Variants in FBXL13 observed in about 807,000 individuals in gnomAD.
The protein encoded by FBXL13 is F-box and leucine rich repeat protein 13.
FBXL13 carries 67 observed loss-of-function variants against 83.6 expected under a neutral mutation model. The observed-to-expected ratio is 0.80, with a 90% CI of 0.66 to 0.98. The LOEUF (loss-of-function observed/expected upper bound fraction) is 0.98, where lower values mean the gene tolerates loss of function less well. Ranked by LOEUF, FBXL13 falls within the 50% of genes least tolerant of loss-of-function variation. The pLI is 0.00. For missense variants in FBXL13, 822 were observed against 866.5 expected (o/e 0.95, Z 0.64); for synonymous variants, 272 against 299.5 (o/e 0.91, Z 0.95).
intron 2 of FBXL13, among the ~76,000 whole-genome samples, chr7:103,030,647 A>G (rs1316767761): frequency 2.6e-5 from 4 of 151,638 alleles, no homozygotes; most frequent in African/African-American, 7.2e-5. Flanking sequence ...TCATAAAAAT[A>G]TGAGTATATT....
chr7:102,987,447 C>T (rs1368573709), intron 6 of FBXL13, among the ~76,000 whole-genome samples: 1 of 150,560 alleles, frequency 6.6e-6, no homozygotes, highest in Admixed American at 6.6e-5. Context: ...ATTTCATTAG[C>T]AAAACAGAAA....
intron 14 of FBXL13, among the ~76,000 whole-genome samples, chr7:102,878,900 T>A (rs548446417): frequency 6.6e-6 from 1 of 152,360 alleles, no homozygotes; most frequent in South Asian, 2.1e-4. Context: ...AAACCCAATA[T>A]GAGCCCTTTG....
At chr7:102,823,341 A>G (rs1013432437) in intron 18 of FBXL13, among the ~76,000 whole-genome samples, 3 of 152,222 alleles carry the variant, frequency 2.0e-5, no homozygotes, top group Non-Finnish European at 4.4e-5. Flanking sequence ...ACAGCCTCAT[A>G]TTACTATGAG....
intron 8 of FBXL13, among the ~76,000 whole-genome samples, chr7:102,934,928 T>C (rs975809560): frequency 2.0e-5 from 3 of 152,232 alleles, no homozygotes; most frequent in African/African-American, 7.2e-5. Context: ...ATTTGGGTTC[T>C]ACTCATTTGC....
intron 1 of FBXL13, among the ~76,000 whole-genome samples, chr7:103,063,135 T>G (rs1260941079): frequency 6.6e-6 from 1 of 152,208 alleles, no homozygotes; most frequent in African/African-American, 2.4e-5. Context: ...TGGGCAAGAA[T>G]AGTATAACGG....
intron 10 of FBXL13, among the ~76,000 whole-genome samples, chr7:102,916,464 G>A (rs1387677133): frequency 6.6e-6 from 1 of 152,130 alleles, no homozygotes; most frequent in African/African-American, 2.4e-5. Context: ...TTTCACAGTG[G>A]AACCTCATGG....
At chr7:103,065,214 TA>T (rs1224139236) in intron 1 of FBXL13, among the ~76,000 whole-genome samples, 2 of 152,250 alleles carry the variant, frequency 1.3e-5, no homozygotes, top group Admixed American at 1.3e-4. Context: ...TTTAGATTTT[TA>T]AATTTCAAAC....
chr7:102,918,643 T>C (rs1816375786), intron 10 of FBXL13, among the ~76,000 whole-genome samples: 1 of 152,152 alleles, frequency 6.6e-6, no homozygotes, highest in Non-Finnish European at 1.5e-5. Flanking sequence ...TAGTGAGATC[T>C]TGTCTCTACA....
At chr7:103,002,752 T>G (rs1790536940) in intron 6 of FBXL13, among the ~76,000 whole-genome samples, 1 of 152,210 alleles carries the variant, frequency 6.6e-6, no homozygotes, top group African/African-American at 2.4e-5. Context: ...GCCTATACGG[T>G]TTCCACTGTT....
intron 14 of FBXL13, among the ~76,000 whole-genome samples, chr7:102,878,841 T>G (rs913251528): frequency 6.6e-6 from 1 of 152,142 alleles, no homozygotes; most frequent in Admixed American, 6.6e-5. Flanking sequence ...ACTACTGCCA[T>G]GATTTTGGAG....
chr7:103,013,900 T>C (rs1182604455), intron 6 of FBXL13, among the ~76,000 whole-genome samples: 2 of 151,880 alleles, frequency 1.3e-5, no homozygotes, highest in Non-Finnish European at 2.9e-5. Flanking sequence ...GATAAACTAA[T>C]TTTAAAAAAC....
intron 17 of FBXL13, among the ~76,000 whole-genome samples, chr7:102,847,281 A>C (rs919505573): frequency 6.6e-6 from 1 of 152,058 alleles, no homozygotes; most frequent in Non-Finnish European, 1.5e-5. Context: ...ACTGTAGGGG[A>C]ATGAATTGTT....
intron 2 of FBXL13, chr7:103,030,246 A>T (rs910554824): frequency 1.3e-5 from 2 of 152,212 alleles, no homozygotes; most frequent in African/African-American, 4.8e-5. Flanking sequence ...TTGTTAAATT[A>T]ACAGATATGG....
chr7:102,979,696 TA>T (rs1827953363), intron 6 of FBXL13, among the ~76,000 whole-genome samples: 1 of 152,246 alleles, frequency 6.6e-6, no homozygotes, highest in Admixed American at 6.5e-5. Context: ...AGTTGCTCAT[TA>T]AATTTCTTTG....
exon 13 of FBXL13, chr7:102,883,637 C>T: frequency 6.2e-7 from 1 of 1,612,150 alleles, no homozygotes; most frequent in Non-Finnish European, 8.5e-7. Flanking sequence ...ATATGCGGTG[C>T]ACCAGTGAAA....
intron 6 of FBXL13, among the ~76,000 whole-genome samples, chr7:103,010,785 C>G (rs936849412): frequency 6.6e-6 from 1 of 152,084 alleles, no homozygotes; most frequent in African/African-American, 2.4e-5. Context: ...TCATGTTTTC[C>G]CAGGAAGCAC....
At chr7:103,015,485 A>G (rs1041677903) in intron 6 of FBXL13, among the ~76,000 whole-genome samples, 2 of 152,180 alleles carry the variant, frequency 1.3e-5, no homozygotes, top group African/African-American at 4.8e-5. Flanking sequence ...AACAACTTCA[A>G]CAAAGTTTCA....
intron 2 of FBXL13, among the ~76,000 whole-genome samples, chr7:103,035,781 C>G (rs1038315207): frequency 6.6e-6 from 1 of 152,100 alleles, no homozygotes; most frequent in Non-Finnish European, 1.5e-5. Context: ...GCAGGCAATT[C>G]CCTTTTTTGC....
chr7:102,838,756 A>G (rs1407962282), intron 17 of FBXL13, among the ~76,000 whole-genome samples: 1 of 152,196 alleles, frequency 6.6e-6, no homozygotes. Flanking sequence ...GGTAAAAGTC[A>G]TCGCCATTCT....
Sources: gnomAD v4.1 joint callset for allele counts (sites outside exome capture counted in the v4.1 genomes callset) on GRCh38, gnomAD v4.1.1 for gene constraint, MANE v1.5 for transcripts, NCBI Gene and HGNC (gene_info 2026-07-23, HGNC 2026-07-21) for gene names.